The following PMEPA1 variants were observed in gnomAD, a reference collection of about 807,000 sequenced individuals.
PMEPA1 encodes the protein protein TMEPAI.
A neutral mutation model predicts 23.0 loss-of-function variants in PMEPA1; 11 were observed. That is an observed-to-expected ratio of 0.48 (90% CI 0.30 to 0.79). PMEPA1 has a LOEUF of 0.79. PMEPA1 is among the 30% of genes least tolerant of loss of function. The pLI is 0.06. For missense variants in PMEPA1, 377 were observed against 390.9 expected, an observed-to-expected ratio of 0.96 and a Z score of 0.30; for synonymous variants, 204 against 166.4, an observed-to-expected ratio of 1.23 and a Z score of -1.74.
intron 1 of PMEPA1, among the ~76,000 whole-genome samples, chr20:57,669,722 G>C (rs994214875): frequency 6.6e-6 from 1 of 152,206 alleles, no homozygotes; most frequent in Non-Finnish European, 1.5e-5. Context: ...GTCCACGTCT[G>C]CACAGACCAG....
At chr20:57,700,099 C>T (rs373708974) in intron 1 of PMEPA1, 6 of 471,262 alleles carry the variant, frequency 1.3e-5, no homozygotes, top group Non-Finnish European at 2.2e-5. Flanking sequence ...AGTGATGGAA[C>T]TGGCCCCTCC....
At position 57,653,249 on chromosome 20, in the gene PMEPA1, C is replaced by T. The variant is rs374297850; in HGVS notation, c.265-163G>A. ...CTTCCCCAGCCCCTGGCCCTGGGCG[C>T]TTTTCCAGGACGTGAGCGCAATCAC... On this transcript the variant is annotated intron_variant, in intron 2 of 3. Transcript: ENST00000341744. Among the ~76,000 whole-genome samples, 8 of 152,358 alleles carry T rather than the reference C, an allele frequency of 5.3e-5. No homozygotes were observed. The South Asian group carries it at 1.4e-3, about 28-fold the overall frequency.
chr20:57,668,180 G>A (rs1210145195), intron 1 of PMEPA1, among the ~76,000 whole-genome samples: 1 of 152,126 alleles, frequency 6.6e-6, no homozygotes, highest in Non-Finnish European at 1.5e-5. Context: ...CGCTGAGAGG[G>A]GACAAGTCAC....
intron 1 of PMEPA1, among the ~76,000 whole-genome samples, chr20:57,677,212 A>G (rs943702344): frequency 2.0e-5 from 3 of 152,096 alleles, no homozygotes; most frequent in Non-Finnish European, 4.4e-5. Flanking sequence ...AGCATGGATT[A>G]TTCTGGCTGT....
intron 1 of PMEPA1, among the ~76,000 whole-genome samples, chr20:57,662,000 A>ATGTG (rs2071427055): frequency 6.6e-6 from 1 of 151,908 alleles, no homozygotes; most frequent in African/African-American, 2.4e-5. Context: ...CCCAGGGCTC[A>ATGTG]GCGTGCCACT....
intron 1 of PMEPA1, among the ~76,000 whole-genome samples, chr20:57,698,143 C>T (rs1568684608): frequency 6.6e-6 from 1 of 152,140 alleles, no homozygotes; most frequent in African/African-American, 2.4e-5. Flanking sequence ...GATCAAGATC[C>T]ATAAACACAG....
intron 1 of PMEPA1, among the ~76,000 whole-genome samples, chr20:57,665,394 T>A (rs993308901): frequency 1.2e-4 from 18 of 151,934 alleles, no homozygotes; most frequent in African/African-American, 4.1e-4. Flanking sequence ...GCCCGCCCCC[T>A]GCCCCGGGAA....
At chr20:57,707,645 CT>C (rs10709084) in intron 1 of PMEPA1, among the ~76,000 whole-genome samples, 11,143 of 136,910 alleles carry the variant, frequency 0.081, 668 homozygotes, top group African/African-American at 0.18. Context: ...AAGAACAATG[CT>C]TTTTTTTTTT....
rs2071314138 is a variant in PMEPA1, at chr20:57,655,486, G to A, written c.265-2400C>T. Among the ~76,000 whole-genome samples the A allele has an allele frequency of 2.0e-5, 3 of 152,232 alleles. No individual in the cohort carries two copies. Among genetic ancestry groups the A allele is most frequent in the Admixed American group, 1.3e-4 (2 of 15,288 alleles). ...AGGGAGTGCTCAGGTTGCTACTTAA[G>A]TGCGGAAGTTGCTGGGTGACCCGTG... On this transcript the variant is annotated intron_variant, in intron 2 of 3. Transcript: ENST00000341744. The surrounding 1 kb of genome is among the most constrained non-coding windows in gnomAD (Gnocchi z 4.2).
At chr20:57,671,288 C>T (rs143988971) in intron 1 of PMEPA1, among the ~76,000 whole-genome samples, 1 of 152,196 alleles carries the variant, frequency 6.6e-6, no homozygotes, top group African/African-American at 2.4e-5. Context: ...TGCATAACAT[C>T]CGAAAGTTAT....
At position 57,655,757 on chromosome 20, in the gene PMEPA1, C is replaced by T. The variant is rs572355619; in HGVS notation, c.265-2671G>A. On this transcript the variant is annotated intron_variant, in intron 2 of 3. Coordinates refer to ENST00000341744, the MANE Select transcript of PMEPA1 (RefSeq NM_020182.5). The surrounding 1 kb of genome is among the most constrained non-coding windows in gnomAD (Gnocchi z 4.2). ...CTCCTCTTCTTTGAAGTGGGCGCACCCAGTCCACCTGCGCCTTCCCCATTT... is the reference window on the plus strand; with the variant it reads ...CTCCTCTTCTTTGAAGTGGGCGCACTCAGTCCACCTGCGCCTTCCCCATTT... 6.6e-6 allele frequency among the ~76,000 whole-genome samples: 1 copy of T among 152,156 alleles called. No homozygotes were observed. Among genetic ancestry groups the T allele is most frequent in the African/African-American group, 2.4e-5 (1 of 41,428 alleles).
At chr20:57,710,180 C>T (rs988054760), upstream of PMEPA1, 4 of 529,908 alleles carry the variant, frequency 7.5e-6, no homozygotes, top group East Asian at 1.6e-4. Context: ...AGGCGGCCCA[C>T]GTAGACCCGG....
rs76237923 is a variant in PMEPA1 at position 57,655,026 on chromosome 20, C to T, written c.265-1940G>A. ...AGGAGAGAAAGTTCCAACCCCTTAC[C>T]GAGGCCCATACCCCCTAGATGTCCA... On this transcript the variant is annotated intron_variant, in intron 2 of 3. Coordinates refer to ENST00000341744, the MANE Select transcript of PMEPA1 (RefSeq NM_020182.5). The surrounding 1 kb of genome is among the most constrained non-coding windows in gnomAD (Gnocchi z 4.2). Among the ~76,000 whole-genome samples the T allele has an allele frequency of 0.015, 2,333 of 151,486 alleles. 81 individuals are homozygous for T. Among genetic ancestry groups the T allele is most frequent in the African/African-American group, 0.055 (2,258 of 41,060 alleles).
chr20:57,663,505 G>C (rs1202646002), intron 1 of PMEPA1, among the ~76,000 whole-genome samples: 1 of 152,204 alleles, frequency 6.6e-6, no homozygotes, highest in African/African-American at 2.4e-5. Context: ...GGTGGACCCA[G>C]ACACGGGATG....
At position 57,704,097 on chromosome 20, in the gene PMEPA1, G is replaced by T. The variant is rs2072046075; in HGVS notation, c.109+5377C>A. On this transcript the variant is annotated intron_variant, in intron 1 of 3. Transcript: ENST00000341744. The surrounding 1 kb of genome is among the most constrained non-coding windows in gnomAD (Gnocchi z 4.6). ...GCCAGCAGGTTCTGTGGGGCTTCTTGGTGACAGGGGAGACAAAAGGAACTG... is the reference window on the plus strand; with the variant it reads ...GCCAGCAGGTTCTGTGGGGCTTCTTTGTGACAGGGGAGACAAAAGGAACTG... 6.6e-6 allele frequency among the ~76,000 whole-genome samples: 1 copy of T among 152,114 alleles called. No homozygotes were observed. The highest frequency in any genetic ancestry group is 6.5e-5 in the Admixed American group (1 of 15,278).
intron 1 of PMEPA1, among the ~76,000 whole-genome samples, chr20:57,685,458 T>A (rs1183546898): frequency 6.6e-6 from 1 of 152,220 alleles, no homozygotes; most frequent in Non-Finnish European, 1.5e-5. Flanking sequence ...AACAAAGGAC[T>A]TTTTACAGCG....
chr20:57,702,167 C>T (rs1011996563), intron 1 of PMEPA1, among the ~76,000 whole-genome samples: 7 of 152,198 alleles, frequency 4.6e-5, no homozygotes, highest in Non-Finnish European at 1.0e-4. Context: ...CGTTCCCTGA[C>T]GTTCTGCGGC....
Position 57,655,020 on chromosome 20 carries a change from C to T in PMEPA1, c.265-1934G>A, listed in dbSNP as rs1206402365. 1.3e-5 allele frequency among the ~76,000 whole-genome samples: 2 copies of T among 151,538 alleles called. No homozygotes were observed. The highest frequency in any genetic ancestry group is 1.3e-4 in the Admixed American group (2 of 15,228). Reference sequence around the variant, plus strand: ...GCCTCCAGGAGAGAAAGTTCCAACCCCTTACCGAGGCCCATACCCCCTAGA... The same window carrying T: ...GCCTCCAGGAGAGAAAGTTCCAACCTCTTACCGAGGCCCATACCCCCTAGA... On this transcript the variant is annotated intron_variant, in intron 2 of 3. Coordinates refer to ENST00000341744, the MANE Select transcript of PMEPA1 (RefSeq NM_020182.5). This position sits in a 1 kb window ranked among gnomAD's most constrained non-coding sequence, Gnocchi z 4.2.
intron 1 of PMEPA1, among the ~76,000 whole-genome samples, chr20:57,688,839 C>T (rs919485004): frequency 9.2e-5 from 14 of 152,148 alleles, no homozygotes; most frequent in African/African-American, 3.4e-4. Context: ...GACAAGGTGG[C>T]TTCGGGGATG....
Sources: allele counts gnomAD v4.1 joint callset (sites outside exome capture counted in the v4.1 genomes callset), GRCh38; gene constraint gnomAD v4.1.1; non-coding constraint Gnocchi (gnomAD v3.1); transcripts MANE v1.5; gene names NCBI Gene and HGNC (gene_info 2026-07-23, HGNC 2026-07-21).